Variants in PIK3C2A observed in about 807,000 individuals in gnomAD.
PIK3C2A encodes the protein phosphatidylinositol 4-phosphate 3-kinase C2 domain-containing subunit alpha.
In PIK3C2A, 97 loss-of-function variants were observed where a neutral mutation model predicts 204.5. The observed-to-expected ratio is 0.47, with a 90% confidence interval of 0.40 to 0.56. PIK3C2A has a LOEUF of 0.56. Ranked by LOEUF, PIK3C2A falls within the 20% of genes least tolerant of loss-of-function variation. The probability of loss-of-function intolerance (pLI) is 0.00; values close to 1 mark genes in which losing one functional copy is unlikely to be tolerated. For synonymous variants in PIK3C2A, 653 were observed against 664.4 expected, an observed-to-expected ratio of 0.98 and a Z score of 0.26; for missense variants, 1,735 against 1,969.2, an observed-to-expected ratio of 0.88 and a Z score of 2.25.
chr11:17,184,057 T>G (rs1851661160), intron 1 of PIK3C2A, among the ~76,000 whole-genome samples: 1 of 152,024 alleles, frequency 6.6e-6, no homozygotes, highest in South Asian at 2.1e-4. Context: ...GAGTTTGAAG[T>G]TACAGTGAGT....
At chr11:17,095,411 TAAAAAA>T (rs1225897360) in intron 27 of PIK3C2A, among the ~76,000 whole-genome samples, 1 of 110,178 alleles carries the variant, frequency 9.1e-6, no homozygotes, top group East Asian at 2.6e-4. Flanking sequence ...CTGTCTCTAC[TAAAAAA>T]AAAAAAAAAA....
chr11:17,114,114 A>AATAC (rs1488883151), intron 20 of PIK3C2A, among the ~76,000 whole-genome samples: 6 of 151,600 alleles, frequency 4.0e-5, no homozygotes, highest in Admixed American at 1.3e-4. Flanking sequence ...TAAATAAATA[A>AATAC]AAAGGTGAGA....
chr11:17,149,966 G>A (rs188277078), intron 4 of PIK3C2A, among the ~76,000 whole-genome samples: 40 of 152,122 alleles, frequency 2.6e-4, no homozygotes, highest in Non-Finnish European at 4.1e-4. Flanking sequence ...TTGGAATCCC[G>A]TTAAGATAAT....
chr11:17,148,475 T>C lies in PIK3C2A; in HGVS notation c.1448+192A>G, dbSNP rs1376910887. 5.5e-6 allele frequency: 3 copies of C among 549,546 alleles called. No homozygotes were observed. In the African/African-American group the frequency reaches 5.7e-5, roughly 10 times the overall value. 34.0% of individuals were successfully genotyped at this position (549,546 alleles called of 1,614,324 possible). On this transcript the variant is annotated intron_variant, in intron 5 of 32. Transcript: ENST00000691414. The stretch of plus-strand genomic sequence containing the variant: ...GGGAATACAATGTCTCACTTATCTC[T>C]GAAACCCCACCACTGTCTTAGACAT...
Position 17,169,539 on chromosome 11 carries a change from T to C in PIK3C2A, c.203A>G (p.Tyr68Cys). Residue 68 changes from tyrosine (Y) to cysteine (C), a missense_variant, in exon 2 of 33, where the codon TAT becomes TGT. Around this residue, in one of 6 missense-constraint regions of PIK3C2A, gnomAD observed 536 missense variants for 546.7 expected, o/e 0.98. Coordinates refer to ENST00000691414, the MANE Select transcript of PIK3C2A (RefSeq NM_002645.4). ...CATGAGATCATAATCCTGCTTGTTA[T>C]AAACCTGTGCTTTTTTTCTGGTGCT... ...SSSTRKKAQV[Y>C]NKQDYDLMVF... 6.2e-7 allele frequency: 1 copy of C among 1,614,174 alleles called. No individual in the cohort carries two copies. The highest frequency in any genetic ancestry group is 8.5e-7 in the Non-Finnish European group (1 of 1,180,002).
intron 1 of PIK3C2A, among the ~76,000 whole-genome samples, chr11:17,203,326 C>G (rs1462636644): frequency 1.4e-5 from 2 of 147,770 alleles, no homozygotes; most frequent in Non-Finnish European, 3.0e-5. Flanking sequence ...GACACCATCT[C>G]TATTAGAAAA....
intron 1 of PIK3C2A, among the ~76,000 whole-genome samples, chr11:17,176,391 G>A (rs759878529): frequency 2.1e-4 from 32 of 152,152 alleles, no homozygotes; most frequent in Non-Finnish European, 3.7e-4. Context: ...GAAGTGGGAA[G>A]ACTGCTTGAG....
intron 1 of PIK3C2A, among the ~76,000 whole-genome samples, chr11:17,177,578 CTAAAAG>C (rs938038403): frequency 6.6e-6 from 1 of 152,038 alleles, no homozygotes; most frequent in Non-Finnish European, 1.5e-5. Context: ...TAATAGAAAA[CTAAAAG>C]TAAAAGTTGT....
At chr11:17,143,686 C>T (rs1850139534) in intron 8 of PIK3C2A, among the ~76,000 whole-genome samples, 1 of 151,720 alleles carries the variant, frequency 6.6e-6, no homozygotes, top group Admixed American at 6.6e-5. Flanking sequence ...CGCCCAATTC[C>T]AGCACTATGG....
intron 1 of PIK3C2A, among the ~76,000 whole-genome samples, chr11:17,170,298 G>A (rs1282755276): frequency 1.3e-5 from 2 of 152,082 alleles, no homozygotes; most frequent in South Asian, 2.1e-4. Flanking sequence ...AATAAAACAG[G>A]AAACTATTAT....
At position 17,128,234 on chromosome 11, in the gene PIK3C2A, CTTT is replaced by C. The variant is rs61076130; in HGVS notation, c.2399+1063_2399+1065del. Among the ~76,000 whole-genome samples the C allele has an allele frequency of 7.6e-5, 10 of 131,476 alleles. No individual in the cohort carries two copies. In the East Asian group the frequency reaches 2.0e-3, roughly 27 times the overall value. 86.3% of individuals were successfully genotyped at this position (131,476 alleles called of 152,430 possible). A position where few individuals can be genotyped will look rare whatever the true frequency, so the allele number is the denominator to read the frequency against. On this transcript the variant is annotated intron_variant, in intron 13 of 32. Coordinates refer to ENST00000691414, the MANE Select transcript of PIK3C2A (RefSeq NM_002645.4). Reference sequence around the variant, plus strand: ...AAAGCTTTAGGGATGCTTTTTTCTCCTTTTTTTTTTTAATTTTTCTTTTAGAAC... The same window carrying C: ...AAAGCTTTAGGGATGCTTTTTTCTCCTTTTTTTTAATTTTTCTTTTAGAAC...
At chr11:17,111,920 T>G (rs1488233729) in intron 21 of PIK3C2A, among the ~76,000 whole-genome samples, 1 of 145,902 alleles carries the variant, frequency 6.9e-6, no homozygotes, top group Non-Finnish European at 1.5e-5. Context: ...AAAAAAAAAC[T>G]TAACACATAA....
chr11:17,136,265 C>T (rs978405518), intron 9 of PIK3C2A, among the ~76,000 whole-genome samples: 1 of 152,304 alleles, frequency 6.6e-6, no homozygotes, highest in South Asian at 2.1e-4. Context: ...AAAGGGTTCA[C>T]AGTTTGACAT....
chr11:17,164,145 G>A (rs1850871081), intron 2 of PIK3C2A, among the ~76,000 whole-genome samples: 1 of 151,924 alleles, frequency 6.6e-6, no homozygotes, highest in African/African-American at 2.4e-5. Context: ...ACATACTCTA[G>A]GCTGGGCACA....
At chr11:17,105,116 T>G in intron 23 of PIK3C2A, 53 bp downstream of exon 23, 1 of 1,430,614 alleles carries the variant, frequency 7.0e-7, no homozygotes, top group Non-Finnish European at 9.8e-7. Flanking sequence ...ACTTAAAACC[T>G]CTGTAACACA....
At chr11:17,128,867 TAGTAA>T (rs1462679644) in intron 13 of PIK3C2A, among the ~76,000 whole-genome samples, 1 of 152,186 alleles carries the variant, frequency 6.6e-6, no homozygotes, top group Non-Finnish European at 1.5e-5. Flanking sequence ...AGGGATAGAT[TAGTAA>T]AGAGAATTAA....
chr11:17,088,277 T>C lies in PIK3C2A; in HGVS notation c.*1461A>G, dbSNP rs896196845. The C allele has an allele frequency of 1.3e-5, 2 of 152,208 alleles. No individual in the cohort carries two copies. The highest frequency in any genetic ancestry group is 4.8e-5 in the African/African-American group (2 of 41,448). The allele number at this position is 152,208 out of a possible 1,614,324, so 9.4% of individuals were successfully genotyped here. A position where few individuals can be genotyped will look rare whatever the true frequency, so the allele number is the denominator to read the frequency against. The stretch of plus-strand genomic sequence containing the variant: ...TTTTCTTTTTTTTTAAGATGGAGTT[T>C]TGCTCTTGTCACCCAGGCGGGAGTG... On this transcript the variant is annotated 3_prime_UTR_variant, in exon 33 of 33. Coordinates refer to ENST00000691414, the MANE Select transcript of PIK3C2A (RefSeq NM_002645.4).
rs532236096 is a variant in PIK3C2A, at chr11:17,124,434, G to A, written c.2400-1621C>T. ...TTGCTTAAAACAAGATCCAAGCAAG[G>A]CCTAACACTTGCATTTGGATGTCTT... is the stretch of plus-strand genomic sequence containing the variant. On this transcript the variant is annotated intron_variant, in intron 13 of 32. Coordinates refer to ENST00000691414, the MANE Select transcript of PIK3C2A (RefSeq NM_002645.4). Among the ~76,000 whole-genome samples the A allele has an allele frequency of 7.3e-5, 11 of 151,474 alleles. No homozygotes were observed. In the East Asian group the frequency reaches 2.1e-3, roughly 29 times the overall value.
chr11:17,114,820 G>T (rs1253540205), intron 19 of PIK3C2A, among the ~76,000 whole-genome samples: 1 of 152,192 alleles, frequency 6.6e-6, no homozygotes, highest in Non-Finnish European at 1.5e-5. Context: ...GGAGAGAGGT[G>T]TACACAGGTG....
Sources: allele counts gnomAD v4.1 joint callset (sites outside exome capture counted in the v4.1 genomes callset), GRCh38; gene constraint gnomAD v4.1.1; regional missense constraint gnomAD v4.1.1; transcripts MANE v1.5; gene names NCBI Gene and HGNC (gene_info 2026-07-23, HGNC 2026-07-21).